RIPPLY3: variants seen among roughly 807,000 people sequenced by gnomAD.
RIPPLY3 encodes protein ripply3.
Under a neutral mutation model 11.9 loss-of-function variants are expected in RIPPLY3, and 8 were observed. The observed-to-expected ratio is 0.67, with a 90% CI of 0.40 to 1.21. The LOEUF (loss-of-function observed/expected upper bound fraction) is 1.21, where lower values mean the gene tolerates loss of function less well. RIPPLY3 is among the 50% of genes most tolerant of loss of function. RIPPLY3 has a pLI of 0.01. For missense variants in RIPPLY3, 271 were observed against 246.0 expected (o/e 1.10, Z -0.68); for synonymous variants, 102 against 99.0 (o/e 1.03, Z -0.18).
At position 37,018,438 on chromosome 21, in the gene RIPPLY3, A is replaced by G. The variant is rs1272904566; in HGVS notation, c.*231A>G. The G allele has an allele frequency of 1.8e-6, 1 of 557,196 alleles. No individual in the cohort carries two copies. Among genetic ancestry groups the G allele is most frequent in the Non-Finnish European group, 3.2e-6 (1 of 311,740 alleles). The allele number at this position is 557,196 out of a possible 1,614,324, so 34.5% of individuals were successfully genotyped here. A position where few individuals can be genotyped will look rare whatever the true frequency, so the allele number is the denominator to read the frequency against. ...TGCCTTTGAGAAAGGATTCTAGGAG[A>G]AAGAGAAGGTCTATGTCAACAGAGT... On this transcript the variant is annotated 3_prime_UTR_variant, in exon 4 of 4. Coordinates refer to ENST00000329553, the MANE Select transcript of RIPPLY3 (RefSeq NM_018962.3).
At chr21:37,016,532 G>A (rs183760021) in intron 3 of RIPPLY3, among the ~76,000 whole-genome samples, 183 of 152,204 alleles carry the variant, frequency 1.2e-3, no homozygotes, top group African/African-American at 4.0e-3. Context: ...ATGCAAATAA[G>A]TTAATGAATG....
chr21:37,007,421 T>G (rs2069476543), intron 1 of RIPPLY3, among the ~76,000 whole-genome samples: 2 of 142,820 alleles, frequency 1.4e-5, no homozygotes, highest in Admixed American at 1.4e-4. Flanking sequence ...TTTTTTTTTT[T>G]TTTTTGAGAC....
Position 37,006,871 on chromosome 21 carries a change from G to A in RIPPLY3, c.99G>A (p.Pro33=), listed in dbSNP as rs953086288. 2.5e-6 allele frequency: 3 copies of A among 1,217,902 alleles called. No homozygotes were observed. In the South Asian group the frequency reaches 1.2e-4, roughly 50 times the overall value. The allele number at this position is 1,217,902 out of a possible 1,614,324, so 75.4% of individuals were successfully genotyped here. A position where few individuals can be genotyped will look rare whatever the true frequency, so the allele number is the denominator to read the frequency against. ...GGAGGCCTCCGCCACCGCGCGGGCC[G>A]GAGAGGTGAGGGTGGCCCCGCGCCC... ...APWRPPPPRG[P]ESPAPWRPWI... The change falls in exon 1 of 4, where the codon CCG becomes CCA. Residue 33 remains proline (P), a synonymous_variant. Transcript: ENST00000329553. This position sits in a 1 kb window ranked among gnomAD's most constrained non-coding sequence, Gnocchi z 5.2.
In RIPPLY3 at chr21:37,018,059, G is replaced by A. The variant is rs1231780055; in HGVS notation, c.425G>A (p.Gly142Asp). 1.2e-6 allele frequency: 2 copies of A among 1,614,086 alleles called. No homozygotes were observed. The highest frequency in any genetic ancestry group is 4.5e-5 in the East Asian group (2 of 44,872). The change falls in exon 4 of 4, where the codon GGT (glycine) becomes GAT (aspartate). Residue 142 changes from glycine (G) to aspartate (D), a missense_variant. Gly to Asp is a moderately conservative substitution (Grantham distance 94). Transcript: ENST00000329553. The stretch of plus-strand genomic sequence containing the variant: ...CATCTTCTGCCCCAGGAGGTGGGAG[G>A]TCGGCAGGAAAATGGCCCAGGGGGA... The part of the protein sequence containing the change: ...PLHLLPQEVG[G>D]RQENGPGGKG...
chr21:37,017,336 G>T (rs539223078), intron 3 of RIPPLY3, among the ~76,000 whole-genome samples: 3 of 151,904 alleles, frequency 2.0e-5, no homozygotes, highest in Non-Finnish European at 4.4e-5. Context: ...CAGAGCAAAG[G>T]ACTTGTGCCT....
In RIPPLY3 at chr21:37,017,977, G is replaced by T. The variant is rs191623065; in HGVS notation, c.343G>T (p.Glu115Ter). ...VQATIDFYDD[E>*]STESASEAEE... ...AGCCACGATTGACTTCTACGACGAT[G>T]AGTCTACTGAGTCTGCTTCCGAAGC... The change falls in exon 4 of 4, where the codon GAG becomes TAG. Residue 115 changes from glutamate to a stop codon, truncating the protein, a stop_gained. Transcript: ENST00000329553. LOFTEE classifies it low-confidence loss of function (END_TRUNC). The T allele has an allele frequency of 1.9e-6, 3 of 1,614,202 alleles. No individual in the cohort carries two copies. Among genetic ancestry groups the T allele is most frequent in the African/African-American group, 2.7e-5 (2 of 75,062 alleles).
chr21:37,012,227 A>C (rs912142114), intron 2 of RIPPLY3, among the ~76,000 whole-genome samples: 3 of 147,078 alleles, frequency 2.0e-5, no homozygotes, highest in Non-Finnish European at 3.0e-5. Flanking sequence ...TATTATTATT[A>C]TTATTATTAT....
At chr21:37,014,149 T>G (rs2069554305) in intron 3 of RIPPLY3, among the ~76,000 whole-genome samples, 1 of 151,980 alleles carries the variant, frequency 6.6e-6, no homozygotes, top group Non-Finnish European at 1.5e-5. Context: ...AACCCCCGTC[T>G]CTACTAAAAA....
chr21:37,011,740 G>A (rs1294889552), intron 2 of RIPPLY3, among the ~76,000 whole-genome samples: 1 of 151,990 alleles, frequency 6.6e-6, no homozygotes, highest in Non-Finnish European at 1.5e-5. Flanking sequence ...GCCGAGGCGG[G>A]CGGATCATGA....
At chr21:37,007,671 A>C (rs1158544209) in intron 1 of RIPPLY3, among the ~76,000 whole-genome samples, 1 of 151,936 alleles carries the variant, frequency 6.6e-6, no homozygotes, top group Non-Finnish European at 1.5e-5. Flanking sequence ...AGCCTCCCAA[A>C]GTGCTGGGAT....
At chr21:37,007,400 CTTTTTTTTTT>C (rs895853940) in intron 1 of RIPPLY3, among the ~76,000 whole-genome samples, 22 of 86,296 alleles carry the variant, frequency 2.5e-4, no homozygotes, top group Admixed American at 4.7e-4. Context: ...AAGATTCCCT[CTTTTTTTTTT>C]TTTTTTTTTT....
Position 37,018,144 on chromosome 21 carries a change from G to A in RIPPLY3, c.510G>A (p.Trp170Ter), listed in dbSNP as rs140433043. 11 of 1,613,840 alleles carry A rather than the reference G, an allele frequency of 6.8e-6. No individual in the cohort carries two copies. Among genetic ancestry groups the A allele is most frequent in the African/African-American group, 5.3e-5 (4 of 74,910 alleles). Reference protein sequence around the residue: ...GQRSSGGGDHWGEGPLPQGVS... With the variant: ...GQRSSGGGDH ...GATCCTCAGGAGGGGGTGACCACTGGGGGGAGGGTCCGCTCCCTCAAGGTG... is the reference window on the plus strand; with the variant it reads ...GATCCTCAGGAGGGGGTGACCACTGAGGGGAGGGTCCGCTCCCTCAAGGTG... The change falls in exon 4 of 4, where the codon TGG becomes TGA. Residue 170 changes from tryptophan (W) to a stop codon, truncating the protein, a stop_gained. Coordinates refer to ENST00000329553, the MANE Select transcript of RIPPLY3 (RefSeq NM_018962.3). LOFTEE classifies it low-confidence loss of function (END_TRUNC).
At chr21:37,010,961 C>T (rs2069515484) in intron 2 of RIPPLY3, among the ~76,000 whole-genome samples, 1 of 151,800 alleles carries the variant, frequency 6.6e-6, no homozygotes, top group Admixed American at 6.6e-5. Flanking sequence ...GACAAAGGAT[C>T]CTTTTGGAAA....
chr21:37,014,341 G>A (rs1269884969), intron 3 of RIPPLY3, among the ~76,000 whole-genome samples: 8 of 151,996 alleles, frequency 5.3e-5, no homozygotes, highest in Non-Finnish European at 1.2e-4. Flanking sequence ...TCTATGTGTT[G>A]AGTAAATGGT....
At chr21:37,016,182 T>G (rs2069576127) in intron 3 of RIPPLY3, among the ~76,000 whole-genome samples, 1 of 152,092 alleles carries the variant, frequency 6.6e-6, no homozygotes, top group Non-Finnish European at 1.5e-5. Context: ...TCAGCACTAT[T>G]GGCACTTTGG....
chr21:37,010,803 C>A (rs1284268174), intron 2 of RIPPLY3, among the ~76,000 whole-genome samples: 3 of 152,152 alleles, frequency 2.0e-5, no homozygotes, highest in Admixed American at 1.3e-4. Context: ...GAAGGCTGAC[C>A]CCCACTGAAA....
chr21:37,008,227 A>G lies in RIPPLY3; in HGVS notation c.171+4A>G. ...GCTGACCAGAACTGGAAGGCCGGTAAGGTTCAGTGCGGGCGTTGTAGGTAA... is the reference window on the plus strand; with the variant it reads ...GCTGACCAGAACTGGAAGGCCGGTAGGGTTCAGTGCGGGCGTTGTAGGTAA... On this transcript the variant is annotated splice_donor_region_variant and intron_variant, in intron 2 of 3. Coordinates refer to ENST00000329553, the MANE Select transcript of RIPPLY3 (RefSeq NM_018962.3). The G allele has an allele frequency of 6.2e-7, 1 of 1,614,094 alleles. No homozygotes were observed. The highest frequency in any genetic ancestry group is 8.5e-7 in the Non-Finnish European group (1 of 1,179,998).
intron 3 of RIPPLY3, among the ~76,000 whole-genome samples, chr21:37,014,060 A>G (rs190828626): frequency 2.8e-3 from 430 of 152,316 alleles, no homozygotes; most frequent in Non-Finnish European, 4.8e-3. Context: ...TCATGCCTGT[A>G]ATCCCAGCAC....
rs2069470669 is a variant in RIPPLY3, at chr21:37,006,939, G to A, written c.104+63G>A. ...GGCGTGCGCGGTGGCGGTGCGGGGAGCGCAGCGAGCGGGAGGCTGGGGCGC... is the reference window on the plus strand; with the variant it reads ...GGCGTGCGCGGTGGCGGTGCGGGGAACGCAGCGAGCGGGAGGCTGGGGCGC... On this transcript the variant is annotated intron_variant, in intron 1 of 3. Coordinates refer to ENST00000329553, the MANE Select transcript of RIPPLY3 (RefSeq NM_018962.3). This position sits in a 1 kb window ranked among gnomAD's most constrained non-coding sequence, Gnocchi z 5.2. The A allele has an allele frequency of 2.0e-6, 2 of 989,062 alleles. No individual in the cohort carries two copies. Among genetic ancestry groups the A allele is most frequent in the Non-Finnish European group, 2.6e-6 (2 of 772,612 alleles). The allele number at this position is 989,062 out of a possible 1,614,324, so 61.3% of individuals were successfully genotyped here.
Sources: gnomAD v4.1 joint callset for allele counts (sites outside exome capture counted in the v4.1 genomes callset) on GRCh38, gnomAD v4.1.1 for gene constraint, Gnocchi (gnomAD v3.1) non-coding constraint, MANE v1.5 for transcripts, NCBI Gene and HGNC (gene_info 2026-07-23, HGNC 2026-07-21) for gene names.